ITGA9: variants seen among roughly 807,000 people sequenced by gnomAD.
ITGA9 encodes the protein integrin subunit alpha 9, also known as integrin alpha-9.
In ITGA9, 56 loss-of-function variants were observed where a neutral mutation model predicts 127.8. The ratio of observed to expected loss-of-function variants is 0.44; its 90% CI spans 0.35 to 0.55. ITGA9 has a LOEUF of 0.55. Ranked by LOEUF, ITGA9 falls within the 20% of genes least tolerant of loss-of-function variation. ITGA9 has a pLI of 0.00. For missense variants in ITGA9, 1,196 were observed against 1,347.1 expected (o/e 0.89, Z 1.76); for synonymous variants, 508 against 514.5 (o/e 0.99, Z 0.17).
chr3:37,689,180 T>A (rs746798478), intron 18 of ITGA9, among the ~76,000 whole-genome samples: 22 of 152,252 alleles, frequency 1.4e-4, no homozygotes, highest in Admixed American at 3.9e-4. Flanking sequence ...ATTAGTTATG[T>A]ATTAGCTTCT....
rs538613438 is a variant in ITGA9, at chr3:37,525,235, AG to A, written c.1328-788del. On this transcript the variant is annotated intron_variant, in intron 12 of 27. Coordinates refer to ENST00000264741, the MANE Select transcript of ITGA9 (RefSeq NM_002207.3). The stretch of plus-strand genomic sequence containing the variant: ...AGGAATAAACATTACCAGTTAAACC[AG>A]GGTCTTGGTTTATAGCTTACCAAGT... Among the ~76,000 whole-genome samples the A allele has an allele frequency of 1.9e-4, 29 of 152,334 alleles. No homozygotes were observed. In the South Asian group the frequency reaches 5.8e-3, roughly 31 times the overall value.
intron 22 of ITGA9, chr3:37,748,765 A>G (rs1226480460): frequency 2.5e-5 from 16 of 645,160 alleles, no homozygotes; most frequent in Middle Eastern, 4.2e-4. Flanking sequence ...AAAAAAAAAA[A>G]AAGAAGGAAG....
intron 13 of ITGA9, among the ~76,000 whole-genome samples, chr3:37,530,937 G>T (rs1699145049): frequency 6.6e-6 from 1 of 151,664 alleles, no homozygotes; most frequent in Non-Finnish European, 1.5e-5. Context: ...ATTTTTAGTA[G>T]AGACAGGGTT....
intron 20 of ITGA9, among the ~76,000 whole-genome samples, chr3:37,740,698 G>A (rs957617746): frequency 2.0e-5 from 3 of 152,202 alleles, no homozygotes; most frequent in Non-Finnish European, 4.4e-5. Context: ...AGGTCTCAGT[G>A]AGGCCATGCT....
At chr3:37,787,365 C>G (rs2125555012) in intron 26 of ITGA9, among the ~76,000 whole-genome samples, 1 of 152,202 alleles carries the variant, frequency 6.6e-6, no homozygotes, top group South Asian at 2.1e-4. Flanking sequence ...TGCTTAACAT[C>G]TCGTTGTTGG....
At position 37,506,010 on chromosome 3, in the gene ITGA9, G is replaced by A. The variant is rs145968481; in HGVS notation, c.753G>A (p.Val251=). Residue 251 remains valine, a synonymous_variant, in exon 7 of 28, where the codon GTG becomes GTA. Coordinates refer to ENST00000264741, the MANE Select transcript of ITGA9 (RefSeq NM_002207.3). ...GCCCATCCTGTTCAGGCTACGCAGT[G>A]ACCGCTGGCCACTTCTCTCACCCGT... is the stretch of plus-strand genomic sequence containing the variant. ...NRRYTYLGYA[V]TAGHFSHPST... 1,984 of 1,606,260 alleles carry A rather than the reference G, an allele frequency of 1.2e-3. 26 individuals carry two copies. The African/African-American group carries it at 0.023, about 19-fold the overall frequency.
intron 15 of ITGA9, among the ~76,000 whole-genome samples, chr3:37,622,951 T>C (rs1700141570): frequency 6.6e-6 from 1 of 152,204 alleles, no homozygotes; most frequent in African/African-American, 2.4e-5. Flanking sequence ...TGATTACAAA[T>C]ATGTTATACC....
intron 9 of ITGA9, among the ~76,000 whole-genome samples, 194 bp from the exon 10 acceptor site, chr3:37,517,310 T>C (rs944856525): frequency 6.6e-6 from 1 of 152,190 alleles, no homozygotes; most frequent in East Asian, 1.9e-4. Flanking sequence ...ACCATCCTGC[T>C]AAGCAGGTAA....
chr3:37,497,925 G>A (rs1579065880), intron 5 of ITGA9, among the ~76,000 whole-genome samples: 2 of 152,342 alleles, frequency 1.3e-5, no homozygotes, highest in South Asian at 2.1e-4. Context: ...AGGCCTGGTA[G>A]GAGGCCGTGA....
At chr3:37,583,303 GATA>G (rs771144736) in intron 15 of ITGA9, among the ~76,000 whole-genome samples, 3 of 152,094 alleles carry the variant, frequency 2.0e-5, no homozygotes, top group Non-Finnish European at 4.4e-5. Flanking sequence ...TTTATTTGAG[GATA>G]ATAAGAAAGG....
chr3:37,666,031 C>G (rs1700582987), intron 17 of ITGA9, among the ~76,000 whole-genome samples: 3 of 152,304 alleles, frequency 2.0e-5, no homozygotes, highest in Middle Eastern at 3.4e-3. Flanking sequence ...GTGGATGGAG[C>G]ACTTGCTATG....
chr3:37,569,791 A>G (rs1166477646), intron 15 of ITGA9, among the ~76,000 whole-genome samples: 3 of 152,228 alleles, frequency 2.0e-5, no homozygotes, highest in Non-Finnish European at 4.4e-5. Context: ...AGTTACCTTT[A>G]TAGGTCATGT....
chr3:37,656,922 C>G (rs1022572199), intron 17 of ITGA9, among the ~76,000 whole-genome samples: 3 of 151,692 alleles, frequency 2.0e-5, no homozygotes, highest in South Asian at 2.1e-4. Context: ...TTTGTTGAAG[C>G]CCTTTTCTGC....
intron 8 of ITGA9, among the ~76,000 whole-genome samples, chr3:37,508,880 A>G (rs1212204511): frequency 6.6e-6 from 1 of 152,190 alleles, no homozygotes; most frequent in East Asian, 1.9e-4. Context: ...CAGAGTTTTA[A>G]GAGATTGTCC....
chr3:37,778,207 GTGGTT>G (rs1204571104), intron 24 of ITGA9, among the ~76,000 whole-genome samples: 4 of 152,214 alleles, frequency 2.6e-5, no homozygotes, highest in Non-Finnish European at 5.9e-5. Context: ...GGTCAAGAAG[GTGGTT>G]ACTTTCAGAG....
intron 15 of ITGA9, among the ~76,000 whole-genome samples, chr3:37,547,686 G>A (rs749107287): frequency 1.3e-5 from 2 of 152,100 alleles, no homozygotes; most frequent in Non-Finnish European, 2.9e-5. Context: ...CTAAATCTCC[G>A]GGTCATCTTG....
In ITGA9 at chr3:37,682,085, A is replaced by G. The variant is rs550643160; in HGVS notation, c.1917-1780A>G. 2.0e-5 allele frequency among the ~76,000 whole-genome samples: 3 copies of G among 152,226 alleles called. No individual in the cohort carries two copies. The East Asian group carries it at 5.8e-4, about 29-fold the overall frequency. ...ATTCCCATTAGCTTGCAAATATGCT[A>G]TGATAATTCCCATCTTAATAAAAAA... On this transcript the variant is annotated intron_variant, in intron 17 of 27. Transcript: ENST00000264741.
chr3:37,701,290 A>G (rs1700942936), intron 18 of ITGA9, among the ~76,000 whole-genome samples: 1 of 152,184 alleles, frequency 6.6e-6, no homozygotes, highest in African/African-American at 2.4e-5. Flanking sequence ...CTCATGTCTT[A>G]TTTAGGTATC....
At chr3:37,780,972 G>C (rs1249412621) in intron 25 of ITGA9, among the ~76,000 whole-genome samples, 1 of 152,226 alleles carries the variant, frequency 6.6e-6, no homozygotes, top group Admixed American at 6.5e-5. Flanking sequence ...CTCAAAGTGT[G>C]GTCCGAGGAC....
Sources: gnomAD v4.1 joint callset for allele counts (sites outside exome capture counted in the v4.1 genomes callset) on GRCh38, gnomAD v4.1.1 for gene constraint, MANE v1.5 for transcripts, NCBI Gene and HGNC (gene_info 2026-07-23, HGNC 2026-07-21) for gene names.